Variants in TNNI3K observed in about 807,000 individuals in gnomAD.
TNNI3K encodes the protein TNNI3 interacting kinase, also known as serine/threonine-protein kinase TNNI3K.
In TNNI3K, 140 loss-of-function variants were observed where a neutral mutation model predicts 114.5. The ratio of observed to expected loss-of-function variants is 1.22; its 90% confidence interval spans 1.07 to 1.41. The LOEUF is 1.41. Among genes scored for constraint, TNNI3K ranks in the 40% most tolerant of loss-of-function variants. The pLI is 0.00. For synonymous variants in TNNI3K, 347 were observed against 347.5 expected (o/e 1.00, Z 0.02); for missense variants, 1,125 against 1,007.6 (o/e 1.12, Z -1.58).
intron 23 of TNNI3K, among the ~76,000 whole-genome samples, chr1:74,498,422 G>T (rs1669444973): frequency 6.6e-6 from 1 of 152,014 alleles, no homozygotes; most frequent in South Asian, 2.1e-4. Flanking sequence ...TTTCTTATGT[G>T]TCTTATTCCC....
intron 4 of TNNI3K, among the ~76,000 whole-genome samples, chr1:74,259,123 GATCTATCT>G (rs533254341): frequency 9.2e-5 from 14 of 151,988 alleles, no homozygotes; most frequent in Admixed American, 1.3e-4. Flanking sequence ...AGGATTAATG[GATCTATCT>G]ATCTATCTAT....
chr1:74,353,178 A>G (rs1051574944), intron 9 of TNNI3K, 88 bp from the exon 10 acceptor site: 2 of 1,337,418 alleles, frequency 1.5e-6, no homozygotes, highest in Non-Finnish European at 2.1e-6. Flanking sequence ...ACTTCAGCAT[A>G]TGATTTTTCG....
intron 17 of TNNI3K, among the ~76,000 whole-genome samples, chr1:74,388,570 T>G (rs908007745): frequency 6.6e-6 from 1 of 152,180 alleles, no homozygotes; most frequent in African/African-American, 2.4e-5. Flanking sequence ...ACCTGAGATC[T>G]GATTAGGTAG....
intron 11 of TNNI3K, among the ~76,000 whole-genome samples, chr1:74,355,920 A>G (rs924577975): frequency 6.6e-6 from 1 of 152,180 alleles, no homozygotes; most frequent in Non-Finnish European, 1.5e-5. Context: ...AAACATATAT[A>G]TACCTTTGCA....
intron 19 of TNNI3K, among the ~76,000 whole-genome samples, chr1:74,438,320 C>A (rs1239581338): frequency 6.6e-6 from 1 of 151,628 alleles, no homozygotes; most frequent in African/African-American, 2.4e-5. Flanking sequence ...CATATGAGCA[C>A]CATAATAAGA....
intron 23 of TNNI3K, among the ~76,000 whole-genome samples, chr1:74,501,690 T>G (rs1669640262): frequency 6.6e-6 from 1 of 152,148 alleles, no homozygotes; most frequent in South Asian, 2.1e-4. Context: ...GGTTTCACCA[T>G]GTTGGTCAGG....
chr1:74,308,294 TG>T (rs1234321208), intron 5 of TNNI3K, among the ~76,000 whole-genome samples: 2 of 152,018 alleles, frequency 1.3e-5, no homozygotes, highest in African/African-American at 4.8e-5. Flanking sequence ...TTCAAAAAAC[TG>T]AAACTATACC....
chr1:74,281,608 G>A (rs1354461499), intron 5 of TNNI3K, among the ~76,000 whole-genome samples: 2 of 151,782 alleles, frequency 1.3e-5, no homozygotes, highest in Non-Finnish European at 2.9e-5. Context: ...TTTCTTTTTC[G>A]ATCTTTCAGC....
At chr1:74,486,869 A>T (rs1334228264) in intron 21 of TNNI3K, among the ~76,000 whole-genome samples, 2 of 152,110 alleles carry the variant, frequency 1.3e-5, no homozygotes, top group Non-Finnish European at 2.9e-5. Context: ...GGGACAAAGG[A>T]ATTGTTGCTT....
At chr1:74,275,656 A>G (rs984329403) in intron 5 of TNNI3K, among the ~76,000 whole-genome samples, 16 of 152,144 alleles carry the variant, frequency 1.1e-4, no homozygotes, top group Admixed American at 1.0e-3. Flanking sequence ...AAGCACAGTA[A>G]GGGACAGTGA....
Position 74,272,841 on chromosome 1 carries a change from T to G in TNNI3K, c.444+1133T>G, listed in dbSNP as rs527249251. On this transcript the variant is annotated intron_variant, in intron 5 of 24. Coordinates refer to ENST00000326637, the MANE Select transcript of TNNI3K (RefSeq NM_015978.3). The stretch of plus-strand genomic sequence containing the variant: ...TAAGGCTCTTATATAGTAATTGCCT[T>G]GACAAATTACAAAGCTATTGAGGAA... Among the ~76,000 whole-genome samples, 6 of 152,064 alleles carry G rather than the reference T, an allele frequency of 3.9e-5. No homozygotes were observed. The South Asian group carries it at 1.2e-3, about 32-fold the overall frequency.
intron 17 of TNNI3K, among the ~76,000 whole-genome samples, chr1:74,378,147 G>A (rs1390968443): frequency 2.0e-5 from 3 of 151,938 alleles, no homozygotes; most frequent in African/African-American, 7.2e-5. Flanking sequence ...AGGGCTACCT[G>A]TAGTTCTGAA....
intron 11 of TNNI3K, 90 bp from the exon 12 acceptor site, chr1:74,367,166 A>AG: frequency 7.9e-7 from 1 of 1,260,020 alleles, no homozygotes; most frequent in Non-Finnish European, 1.1e-6. Flanking sequence ...CTATGTTGTA[A>AG]GCTACTTCCA....
intron 5 of TNNI3K, among the ~76,000 whole-genome samples, chr1:74,323,598 A>G (rs1023108471): frequency 5.9e-5 from 9 of 152,142 alleles, no homozygotes; most frequent in Non-Finnish European, 8.8e-5. Context: ...TCAGTTGCCA[A>G]AGAAGGTAGA....
chr1:74,271,278 A>G (rs1420432905), intron 4 of TNNI3K, among the ~76,000 whole-genome samples: 1 of 151,884 alleles, frequency 6.6e-6, no homozygotes, highest in Non-Finnish European at 1.5e-5. Context: ...GTTGCTGGAA[A>G]AGCATATTCA....
intron 21 of TNNI3K, among the ~76,000 whole-genome samples, chr1:74,465,541 C>A (rs1042553332): frequency 2.0e-5 from 3 of 151,344 alleles, no homozygotes; most frequent in Admixed American, 6.5e-5. Context: ...CGAGTCCCCC[C>A]CCAACCGTGG....
chr1:74,373,742 G>T (rs1662731262), intron 17 of TNNI3K: 1 of 151,830 alleles, frequency 6.6e-6, no homozygotes, highest in Admixed American at 6.6e-5. Context: ...GGATGTTTGA[G>T]CCCACGGGAT....
At chr1:74,405,601 G>C (rs991914735) in intron 17 of TNNI3K, among the ~76,000 whole-genome samples, 2 of 151,998 alleles carry the variant, frequency 1.3e-5, no homozygotes, top group Non-Finnish European at 2.9e-5. Context: ...AAAGCACCAA[G>C]GATTATCTCA....
At chr1:74,237,713 T>C (rs1252952998) in intron 2 of TNNI3K, among the ~76,000 whole-genome samples, 3 of 152,020 alleles carry the variant, frequency 2.0e-5, no homozygotes. Flanking sequence ...GTGACCTTCT[T>C]TTTTCTGATT....
Sources: gnomAD v4.1 joint callset for allele counts (sites outside exome capture counted in the v4.1 genomes callset) on GRCh38, gnomAD v4.1.1 for gene constraint, MANE v1.5 for transcripts, NCBI Gene and HGNC (gene_info 2026-07-23, HGNC 2026-07-21) for gene names.